Variants in MARK1 observed in about 807,000 individuals in gnomAD.
MARK1 encodes the protein microtubule affinity regulating kinase 1.
In MARK1, 40 loss-of-function variants were observed where a neutral mutation model predicts 96.3. The ratio of observed to expected loss-of-function variants is 0.42; its 90% CI spans 0.32 to 0.54. The LOEUF (loss-of-function observed/expected upper bound fraction) is 0.54. Among genes scored for constraint, MARK1 ranks in the 20% least tolerant of loss-of-function variants. The pLI is 0.16. For missense variants in MARK1, 719 were observed against 984.6 expected (o/e 0.73, Z 3.61); for synonymous variants, 317 against 341.2 (o/e 0.93, Z 0.78).
intron 13 of MARK1, among the ~76,000 whole-genome samples, chr1:220,637,493 A>G (rs1668030171): frequency 6.6e-6 from 1 of 152,146 alleles, no homozygotes; most frequent in Non-Finnish European, 1.5e-5. Flanking sequence ...CAGCCTGGCT[A>G]ACATGATAAA....
At position 220,533,524 on chromosome 1, in the gene MARK1, A is replaced by G. The variant is rs142330812; in HGVS notation, c.51+4651A>G. Among the ~76,000 whole-genome samples, 1,302 of 152,068 alleles carry G rather than the reference A, an allele frequency of 8.6e-3. 16 individuals carry two copies. Among genetic ancestry groups the G allele is most frequent in the African/African-American group, 0.029 (1,191 of 41,490 alleles). ...ATATCTGTGGAAGTTCTTTTGGTGC[A>G]GGATTGTTAGTGATGAACTTTTTTA... On this transcript the variant is annotated intron_variant, in intron 1 of 17. Coordinates refer to ENST00000366917, the MANE Select transcript of MARK1 (RefSeq NM_018650.5).
At chr1:220,598,185 A>G (rs1665500493) in intron 3 of MARK1, 146 bp from the exon 4 acceptor site, 1 of 353,528 alleles carries the variant, frequency 2.8e-6, no homozygotes, top group Non-Finnish European at 5.7e-6. Context: ...CAGAGTTGGG[A>G]CTGAGAAAAT....
intron 1 of MARK1, among the ~76,000 whole-genome samples, 193 bp downstream of exon 1, chr1:220,529,066 C>G (rs894616787): frequency 6.6e-5 from 10 of 152,230 alleles, no homozygotes; most frequent in African/African-American, 2.2e-4. Context: ...CTTGTTTCCC[C>G]TCAAGGGTGA....
At chr1:220,552,117 C>T (rs1661905071) in intron 1 of MARK1, among the ~76,000 whole-genome samples, 1 of 152,188 alleles carries the variant, frequency 6.6e-6, no homozygotes, top group East Asian at 1.9e-4. Context: ...GTCACCCCAG[C>T]CAGTATGGTA....
At chr1:220,609,976 C>G (rs573958812) in intron 6 of MARK1, among the ~76,000 whole-genome samples, 36 of 152,278 alleles carry the variant, frequency 2.4e-4, no homozygotes, top group African/African-American at 8.2e-4. Context: ...TCTGGCTCCC[C>G]TTAACACTTT....
chr1:220,566,165 T>C (rs1663044279), intron 1 of MARK1, among the ~76,000 whole-genome samples: 1 of 152,196 alleles, frequency 6.6e-6, no homozygotes, highest in African/African-American at 2.4e-5. Flanking sequence ...GAAGACATTG[T>C]CAGTGTTGAG....
intron 6 of MARK1, among the ~76,000 whole-genome samples, chr1:220,611,359 G>T (rs1460979536): frequency 6.6e-6 from 1 of 152,224 alleles, no homozygotes; most frequent in African/African-American, 2.4e-5. Flanking sequence ...GCAAGGCTCC[G>T]TGGGCGTAGG....
intron 17 of MARK1, among the ~76,000 whole-genome samples, chr1:220,661,581 A>C (rs1435306326): frequency 6.6e-6 from 1 of 152,196 alleles, no homozygotes; most frequent in African/African-American, 2.4e-5. Flanking sequence ...TATATTTAAG[A>C]AAAATGCTAT....
Position 220,653,236 on chromosome 1 carries a change from C to T in MARK1, c.1872C>T (p.Ser624=), listed in dbSNP as rs774455149. The change falls in exon 16 of 18, where the codon AGC becomes AGT. Residue 624 remains serine, a synonymous_variant. Coordinates refer to ENST00000366917, the MANE Select transcript of MARK1 (RefSeq NM_018650.5). ...FHGEQLRERR[S]VAYNGPPASP... ...GTGAACAGCTCCGGGAGCGACGCAG[C>T]GTTGCTTATAATGGGCCACCTGCTT... 1.2e-5 allele frequency: 19 copies of T among 1,614,090 alleles called. No individual in the cohort carries two copies. The highest frequency in any genetic ancestry group is 5.3e-5 in the African/African-American group (4 of 74,934).
chr1:220,542,789 G>T (rs1008428299), intron 1 of MARK1, among the ~76,000 whole-genome samples: 1 of 152,072 alleles, frequency 6.6e-6, no homozygotes, highest in Non-Finnish European at 1.5e-5. Context: ...TTAAAAAATA[G>T]ATACTATTTT....
At position 220,528,669 on chromosome 1, in the gene MARK1, C is replaced by G. The variant is rs2102675408; in HGVS notation, c.-154C>G. 1 of 579,502 alleles carries G rather than the reference C, an allele frequency of 1.7e-6. No homozygotes were observed. Among genetic ancestry groups the G allele is most frequent in the Non-Finnish European group, 2.9e-6 (1 of 345,478 alleles). The allele number at this position is 579,502 out of a possible 1,614,324, so 35.9% of individuals were successfully genotyped here. On this transcript the variant is annotated 5_prime_UTR_variant, in exon 1 of 18. Transcript: ENST00000366917. ...CCTCCGCGTCCTCTTCCCTCTTTCC[C>G]CCGCCGGGGCCGCTTGTTGCACCGC...
At chr1:220,564,073 ATTAGT>A (rs546078593) in intron 1 of MARK1, among the ~76,000 whole-genome samples, 455 of 152,326 alleles carry the variant, frequency 3.0e-3, no homozygotes, top group African/African-American at 0.011. Context: ...TATTAAAAAC[ATTAGT>A]TTAGTGAGAG....
intron 1 of MARK1, among the ~76,000 whole-genome samples, chr1:220,543,415 C>T (rs904273756): frequency 6.6e-6 from 1 of 152,118 alleles, no homozygotes; most frequent in Non-Finnish European, 1.5e-5. Context: ...AATTTTTATA[C>T]TATACTTTTT....
intron 1 of MARK1, among the ~76,000 whole-genome samples, chr1:220,577,794 C>G (rs56065556): frequency 6.6e-6 from 1 of 152,062 alleles, no homozygotes; most frequent in African/African-American, 2.4e-5. Context: ...GGGAGACAGA[C>G]GAGTAAATGT....
At chr1:220,583,529 A>G (rs1358424544) in intron 3 of MARK1, among the ~76,000 whole-genome samples, 8 of 152,174 alleles carry the variant, frequency 5.3e-5, no homozygotes, top group Admixed American at 4.6e-4. Context: ...ATGAGTTTTC[A>G]TAGTTAAAAA....
intron 1 of MARK1, among the ~76,000 whole-genome samples, chr1:220,547,976 T>C (rs1572058912): frequency 6.6e-6 from 1 of 152,266 alleles, no homozygotes; most frequent in East Asian, 1.9e-4. Flanking sequence ...ACCTGCACTT[T>C]GCAGAATTGC....
intron 6 of MARK1, among the ~76,000 whole-genome samples, chr1:220,613,936 T>C (rs1244590098): frequency 6.6e-6 from 1 of 152,196 alleles, no homozygotes; most frequent in African/African-American, 2.4e-5. Flanking sequence ...CCTCCTTTTC[T>C]TTAAATGATT....
At chr1:220,591,047 T>C (rs1424231765) in intron 3 of MARK1, among the ~76,000 whole-genome samples, 1 of 152,172 alleles carries the variant, frequency 6.6e-6, no homozygotes, top group African/African-American at 2.4e-5. Flanking sequence ...TTAGGTGTTG[T>C]TTTTGTTATG....
intron 9 of MARK1, among the ~76,000 whole-genome samples, chr1:220,623,348 C>G (rs1015634358): frequency 3.3e-5 from 5 of 152,182 alleles, no homozygotes; most frequent in African/African-American, 9.7e-5. Flanking sequence ...TATCTCTCTT[C>G]CCTTTCATGT....
Sources: gnomAD v4.1 joint callset for allele counts (sites outside exome capture counted in the v4.1 genomes callset) on GRCh38, gnomAD v4.1.1 for gene constraint, MANE v1.5 for transcripts, NCBI Gene and HGNC (gene_info 2026-07-23, HGNC 2026-07-21) for gene names.